TTBK2: variants seen among roughly 807,000 people sequenced by gnomAD.
TTBK2 encodes tau tubulin kinase 2.
In TTBK2, 28 loss-of-function variants were observed where a neutral mutation model predicts 110.8. That is an observed-to-expected ratio of 0.25 (90% CI 0.19 to 0.35). TTBK2 has a LOEUF of 0.35. Ranked by LOEUF, TTBK2 falls within the 10% of genes least tolerant of loss-of-function variation. TTBK2 has a pLI of 1.00. For synonymous variants in TTBK2, 532 were observed against 527.3 expected, an observed-to-expected ratio of 1.01 and a Z score of -0.12; for missense variants, 1,369 against 1,500.3, an observed-to-expected ratio of 0.91 and a Z score of 1.45.
chr15:42,801,429 C>T, intron 9 of TTBK2: 2 of 975,536 alleles, frequency 2.1e-6, no homozygotes, highest in African/African-American at 1.6e-5. Context: ...TCCAGGGAAG[C>T]CCTCTGGCCT....
chr15:42,911,719 ATAAT>A (rs967141583), intron 1 of TTBK2, among the ~76,000 whole-genome samples: 3 of 152,196 alleles, frequency 2.0e-5, no homozygotes, highest in African/African-American at 4.8e-5. Context: ...TAACTAATAA[ATAAT>A]TATTGTTTTA....
At chr15:42,771,786 A>G (rs1225855237) in intron 13 of TTBK2, among the ~76,000 whole-genome samples, 1 of 152,122 alleles carries the variant, frequency 6.6e-6, no homozygotes, top group Middle Eastern at 3.2e-3. Flanking sequence ...AAAGTCTTTC[A>G]GTATGCTGGC....
At chr15:42,754,477 C>A (rs1205926557) in intron 13 of TTBK2, among the ~76,000 whole-genome samples, 1 of 151,594 alleles carries the variant, frequency 6.6e-6, no homozygotes, top group African/African-American at 2.4e-5. Context: ...CTCACCGCAA[C>A]CTCCGCCTCC....
chr15:42,779,014 G>A (rs1049306548), intron 11 of TTBK2, among the ~76,000 whole-genome samples: 1 of 152,126 alleles, frequency 6.6e-6, no homozygotes, highest in Non-Finnish European at 1.5e-5. Flanking sequence ...AAAGATGAAG[G>A]TGGGGGAAAC....
At chr15:42,901,220 G>A (rs1476806816) in intron 1 of TTBK2, among the ~76,000 whole-genome samples, 1 of 151,912 alleles carries the variant, frequency 6.6e-6, no homozygotes, top group Non-Finnish European at 1.5e-5. Flanking sequence ...AAATTAGCCG[G>A]GCGTGGTGGT....
chr15:42,774,795 T>G (rs1212769310), intron 13 of TTBK2, among the ~76,000 whole-genome samples: 1 of 152,226 alleles, frequency 6.6e-6, no homozygotes, highest in African/African-American at 2.4e-5. Context: ...GATGCCTTCC[T>G]CAGTAAATGT....
At chr15:42,763,978 A>G (rs967043217) in intron 13 of TTBK2, among the ~76,000 whole-genome samples, 1 of 152,248 alleles carries the variant, frequency 6.6e-6, no homozygotes, top group African/African-American at 2.4e-5. Context: ...ATCATAAGCC[A>G]CAACTCATAT....
intron 7 of TTBK2, among the ~76,000 whole-genome samples, chr15:42,814,114 C>T (rs1157642782): frequency 6.6e-6 from 1 of 151,928 alleles, no homozygotes; most frequent in Non-Finnish European, 1.5e-5. Context: ...CTCCGCCTCC[C>T]AGGTTCCAGC....
At chr15:42,762,708 A>C (rs1021887184) in intron 13 of TTBK2, among the ~76,000 whole-genome samples, 2 of 152,140 alleles carry the variant, frequency 1.3e-5, no homozygotes, top group Non-Finnish European at 2.9e-5. Flanking sequence ...ACAGAGTGAG[A>C]TGCTGTCTCA....
chr15:42,778,349 CA>C (rs1890023853), intron 11 of TTBK2, among the ~76,000 whole-genome samples: 1 of 150,608 alleles, frequency 6.6e-6, no homozygotes, highest in African/African-American at 2.4e-5. Flanking sequence ...AAGACACAGC[CA>C]AAGAAATTAC....
intron 3 of TTBK2, among the ~76,000 whole-genome samples, chr15:42,855,898 G>A (rs1307659030): frequency 1.3e-5 from 2 of 152,106 alleles, no homozygotes; most frequent in Non-Finnish European, 2.9e-5. Flanking sequence ...TAGCCAGGAT[G>A]GTCTCGATCT....
At chr15:42,783,288 T>G in intron 11 of TTBK2, 131 bp downstream of exon 11, 1 of 817,882 alleles carries the variant, frequency 1.2e-6, no homozygotes, top group Non-Finnish European at 2.1e-6. Context: ...ATCTACCACA[T>G]GAGGACTCAG....
rs2031146591 is a variant in TTBK2 at position 42,917,533 on chromosome 15, A to AT, written c.-68+2904dup. 3.3e-5 allele frequency among the ~76,000 whole-genome samples: 5 copies of AT among 152,100 alleles called. No homozygotes were observed. In the South Asian group the frequency reaches 1.0e-3, roughly 32 times the overall value. On this transcript the variant is annotated intron_variant, in intron 1 of 14. Transcript: ENST00000267890. ...TCAAAATTTAGTTCTAAAAAACTGA[A>AT]TTTTTTCATATGACCTTAAAGGCTC...
intron 13 of TTBK2, among the ~76,000 whole-genome samples, chr15:42,756,698 T>C (rs1016648967): frequency 1.2e-4 from 18 of 151,870 alleles, no homozygotes; most frequent in African/African-American, 4.4e-4. Context: ...AATGTGCACA[T>C]ACATATGGTA....
chr15:42,791,087 CTG>C (rs1890656143), intron 10 of TTBK2, among the ~76,000 whole-genome samples: 2 of 152,258 alleles, frequency 1.3e-5, no homozygotes, highest in Non-Finnish European at 2.9e-5. Context: ...CGGGGTTTCA[CTG>C]TGTTAGCCAG....
chr15:42,869,060 T>G (rs1894504496), intron 3 of TTBK2, among the ~76,000 whole-genome samples: 1 of 151,952 alleles, frequency 6.6e-6, no homozygotes, highest in Admixed American at 6.6e-5. Flanking sequence ...AGGAGAGAAG[T>G]GTTTTTTCTC....
chr15:42,770,119 G>T lies in TTBK2; in HGVS notation c.1998+5016C>A, dbSNP rs570913959. On this transcript the variant is annotated intron_variant, in intron 13 of 14. Coordinates refer to ENST00000267890, the MANE Select transcript of TTBK2 (RefSeq NM_173500.4). ...GCCTGTCGTGGGGTGGGGGGCAGGG[G>T]GAGGGATAGCAGAAATACCTAATGT... Among the ~76,000 whole-genome samples, 5 of 144,464 alleles carry T rather than the reference G, an allele frequency of 3.5e-5. No homozygotes were observed. In the East Asian group the frequency reaches 8.5e-4, roughly 25 times the overall value. The allele number at this position is 144,464 out of a possible 152,430, so 94.8% of individuals were successfully genotyped here.
intron 2 of TTBK2, among the ~76,000 whole-genome samples, chr15:42,874,634 A>G (rs1894742347): frequency 1.3e-5 from 2 of 150,736 alleles, no homozygotes; most frequent in East Asian, 2.0e-4. Flanking sequence ...CTTTATTTTC[A>G]TTTGGTGATG....
At chr15:42,912,474 C>T (rs2030822043) in intron 1 of TTBK2, among the ~76,000 whole-genome samples, 1 of 151,252 alleles carries the variant, frequency 6.6e-6, no homozygotes, top group Admixed American at 6.6e-5. Context: ...TGGGAGGCCC[C>T]AAGGTGGGTG....
Sources: gnomAD v4.1 joint callset for allele counts (sites outside exome capture counted in the v4.1 genomes callset) on GRCh38, gnomAD v4.1.1 for gene constraint, MANE v1.5 for transcripts, NCBI Gene and HGNC (gene_info 2026-07-23, HGNC 2026-07-21) for gene names.